C11orf98: variants seen among roughly 807,000 people sequenced by gnomAD.
The protein encoded by C11orf98 is chromosome 11 open reading frame 98.
Under a neutral mutation model 10.9 loss-of-function variants are expected in C11orf98, and 7 were observed. The ratio of observed to expected loss-of-function variants is 0.64; its 90% CI spans 0.37 to 1.21. The LOEUF is 1.21. Among genes scored for constraint, C11orf98 ranks in the 50% most tolerant of loss-of-function variants. C11orf98 has a pLI of 0.02. For synonymous variants in C11orf98, 70 were observed against 57.2 expected (o/e 1.22, Z -1.01); for missense variants, 181 against 153.7 (o/e 1.18, Z -0.94).
upstream of C11orf98, chr11:62,665,214 G>T (rs1241584599): frequency 2.5e-6 from 2 of 788,558 alleles, no homozygotes; most frequent in Non-Finnish European, 4.3e-6. Context: ...TCCGCTCAGC[G>T]CCGGATCCGC....
Position 62,664,992 on chromosome 11 carries a change from C to A in C11orf98, c.40-19G>T, listed in dbSNP as rs772390574. On this transcript the variant is annotated intron_variant, in intron 1 of 3. Transcript: ENST00000524958. ...TCAGCTCCTGCCGGGGAGAAAGATG[C>A]GAATCAGATGGAGTGGGCTCGCCGC... 1 of 1,608,242 alleles carries A rather than the reference C, an allele frequency of 6.2e-7. No homozygotes were observed. Among genetic ancestry groups the A allele is most frequent in the Admixed American group, 1.7e-5 (1 of 59,948 alleles).
At chr11:62,663,693 C>CAA (rs552135889) in intron 2 of C11orf98, among the ~76,000 whole-genome samples, 30 of 60,102 alleles carry the variant, frequency 5.0e-4, no homozygotes, top group African/African-American at 1.5e-3. Flanking sequence ...GACTCCGTCT[C>CAA]AAAAAAAAAA....
intron 2 of C11orf98, 73 bp from the exon 3 acceptor site, chr11:62,663,406 A>G (rs1318877418): frequency 1.6e-5 from 24 of 1,488,334 alleles, no homozygotes; most frequent in South Asian, 3.7e-5. Flanking sequence ...AGTTCTGGCT[A>G]TAGAAAAAGT....
chr11:62,663,977 G>A (rs1437327042), intron 2 of C11orf98, among the ~76,000 whole-genome samples: 6 of 149,712 alleles, frequency 4.0e-5, no homozygotes, highest in African/African-American at 1.2e-4. Context: ...GGAGGCTGAG[G>A]CAAGAGAATA....
intron 2 of C11orf98, 88 bp from the exon 3 acceptor site, chr11:62,663,421 A>C (rs1187088458): frequency 7.1e-7 from 1 of 1,401,592 alleles, no homozygotes; most frequent in East Asian, 2.3e-5. Flanking sequence ...AAAAGTATTA[A>C]ATAGGCTGGG....
chr11:62,663,108 T>G lies in C11orf98; in HGVS notation c.314A>C (p.Gln105Pro). The G allele has an allele frequency of 1.2e-6, 2 of 1,613,972 alleles. No homozygotes were observed. Among genetic ancestry groups the G allele is most frequent in the Non-Finnish European group, 1.7e-6 (2 of 1,179,906 alleles). Residue 105 changes from glutamine to proline, a missense_variant, in exon 4 of 4, where the codon CAA (glutamine) becomes CCA (proline). Transcript: ENST00000524958. Reference sequence around the variant, plus strand: ...ATCCTGGGGGGCTTTTGTCTTCTTTTGCCTTTTGAGCTGTGGTTCACTAGT... The same window carrying G: ...ATCCTGGGGGGCTTTTGTCTTCTTTGGCCTTTTGAGCTGTGGTTCACTAGT... ...ARTSEPQLKRQKKTKAPQDVE... is the reference protein window; with the variant it reads ...ARTSEPQLKRPKKTKAPQDVE...
Position 62,663,067 on chromosome 11 carries a change from G to A in C11orf98, c.355C>T (p.Leu119Phe), listed in dbSNP as rs1261576691. Reference sequence around the variant, plus strand: ...GAAGAGGTTTAGCTCTCATCTTCAAGGTCCTTCATTTCTACATCCTGGGGG... The same window carrying A: ...GAAGAGGTTTAGCTCTCATCTTCAAAGTCCTTCATTTCTACATCCTGGGGG... ...KAPQDVEMKD[L>F]EDES The change falls in exon 4 of 4, where the codon CTT becomes TTT. Residue 119 changes from leucine to phenylalanine, a missense_variant. Coordinates refer to ENST00000524958, the MANE Select transcript of C11orf98 (RefSeq NM_001286086.2). 2.5e-6 allele frequency: 4 copies of A among 1,596,674 alleles called. No individual in the cohort carries two copies. The highest frequency in any genetic ancestry group is 3.4e-6 in the Non-Finnish European group (4 of 1,165,794).
intron 1 of C11orf98, 27 bp from the exon 2 acceptor site, chr11:62,665,000 A>C: frequency 6.2e-7 from 1 of 1,606,548 alleles, no homozygotes; most frequent in Non-Finnish European, 8.5e-7. Context: ...TGCGAATCAG[A>C]TGGAGTGGGC....
intron 2 of C11orf98, 127 bp downstream of exon 2, chr11:62,664,722 C>G (rs1944747486): frequency 7.9e-7 from 1 of 1,258,596 alleles, no homozygotes; most frequent in South Asian, 1.5e-5. Context: ...AACTAACAGC[C>G]GACAGACATT....
Position 62,664,836 on chromosome 11 carries a change from G to A in C11orf98, c.164+13C>T, listed in dbSNP as rs990182722. The A allele has an allele frequency of 5.1e-6, 8 of 1,559,310 alleles. No individual in the cohort carries two copies. Among genetic ancestry groups the A allele is most frequent in the South Asian group, 3.5e-5 (3 of 85,008 alleles). ...GGTGGGGACGACCAACAGGAAGAGG[G>A]TCTAGTACTTACGCCCGCTTCTTGA... is the stretch of plus-strand genomic sequence containing the variant. On this transcript the variant is annotated intron_variant, in intron 2 of 3. Coordinates refer to ENST00000524958, the MANE Select transcript of C11orf98 (RefSeq NM_001286086.2).
At chr11:62,664,299 T>A (rs538988027) in intron 2 of C11orf98, among the ~76,000 whole-genome samples, 1 of 150,344 alleles carries the variant, frequency 6.7e-6, no homozygotes, top group African/African-American at 2.4e-5. Flanking sequence ...ACTTGGAGAA[T>A]GGAGAGCCAA....
In C11orf98 at chr11:62,665,165, C is replaced by CTA. The variant is rs1313117163; in HGVS notation, c.4_5insTA (p.Gly2ValfsTer15). On this transcript the variant is annotated frameshift_variant, in exon 1 of 4. Coordinates refer to ENST00000524958, the MANE Select transcript of C11orf98 (RefSeq NM_001286086.2). LOFTEE classifies it high-confidence loss of function. ...CCGGTTGATCTTTCCCCCCGGAGCT[C>CTA]CCATAGTCGCGATTCCACTCCAGTT... 2 of 890,396 alleles carry CTA rather than the reference C, an allele frequency of 2.2e-6. No individual in the cohort carries two copies. Among genetic ancestry groups the CTA allele is most frequent in the Non-Finnish European group, 3.6e-6 (2 of 556,720 alleles). The allele number at this position is 890,396 out of a possible 1,614,324, so 55.2% of individuals were successfully genotyped here.
chr11:62,664,194 T>C (rs1020890593), intron 2 of C11orf98, among the ~76,000 whole-genome samples: 2 of 151,912 alleles, frequency 1.3e-5, no homozygotes, highest in South Asian at 2.1e-4. Flanking sequence ...TGAGTGCCTT[T>C]GGGAAAATTC....
chr11:62,664,082 G>GAAAAAAAAAAAAAAAAAAAAAAA (rs71056540), intron 2 of C11orf98, among the ~76,000 whole-genome samples: 1 of 65,944 alleles, frequency 1.5e-5, no homozygotes, highest in Non-Finnish European at 2.8e-5. Flanking sequence ...CAAAAAAGAG[G>GAAAAAAAAAAAAAAAAAAAAAAA]AAAAAAAAAA....
intron 2 of C11orf98, 122 bp from the exon 3 acceptor site, chr11:62,663,455 C>T: frequency 9.8e-7 from 1 of 1,024,594 alleles, no homozygotes; most frequent in Non-Finnish European, 1.4e-6. Flanking sequence ...GCCTGTAATC[C>T]CAGCACTTTG....
Position 62,664,944 on chromosome 11 carries a change from C to T in C11orf98, c.69G>A (p.Arg23=). The change falls in exon 2 of 4, where the codon CGG becomes CGA. Residue 23 remains arginine, a synonymous_variant. Transcript: ENST00000524958. ...TELKKKLFKR[R]RVLNRERRLR... is the part of the protein sequence containing the mutation. ...GACGCCGCTCCCGATTCAACACCCGCCGGCGTTTGAACAGCTTCTTCTTCA... is the reference window on the plus strand; with the variant it reads ...GACGCCGCTCCCGATTCAACACCCGTCGGCGTTTGAACAGCTTCTTCTTCA... 1.9e-6 allele frequency: 3 copies of T among 1,611,240 alleles called. No individual in the cohort carries two copies. Among genetic ancestry groups the T allele is most frequent in the Non-Finnish European group, 2.5e-6 (3 of 1,179,038 alleles).
rs571353154 is a variant in C11orf98 at position 62,663,151 on chromosome 11, G to A, written c.271C>T (p.Pro91Ser). 1.9e-6 allele frequency: 3 copies of A among 1,614,014 alleles called. No homozygotes were observed. Among genetic ancestry groups the A allele is most frequent in the Admixed American group, 3.3e-5 (2 of 59,996 alleles). Residue 91 changes from proline to serine, a missense_variant, in exon 4 of 4, where the codon CCT (proline) becomes TCT (serine). Transcript: ENST00000524958. ...TCACTAGTCCTGGCTGGCTTTGAAG[G>A]GGCTTCCACTGAGTAAAGGGAAGAA... ...KEKTAMEVEA[P>S]SKPARTSEPQ...
intron 1 of C11orf98, 64 bp downstream of exon 1, chr11:62,665,067 T>C: frequency 6.4e-7 from 1 of 1,556,804 alleles, no homozygotes; most frequent in Non-Finnish European, 8.7e-7. Flanking sequence ...TGATCCCATC[T>C]CGTGCGAGAT....
At chr11:62,664,744 C>G (rs1944747925) in intron 2 of C11orf98, 105 bp downstream of exon 2, 2 of 1,382,552 alleles carry the variant, frequency 1.4e-6, no homozygotes, top group Non-Finnish European at 9.8e-7. Context: ...CCCGCATAAG[C>G]GTCAGTGCAC....
Sources: allele counts gnomAD v4.1 joint callset (sites outside exome capture counted in the v4.1 genomes callset), GRCh38; gene constraint gnomAD v4.1.1; transcripts MANE v1.5; gene names NCBI Gene and HGNC (gene_info 2026-07-23, HGNC 2026-07-21).